DPYD: variants seen among roughly 807,000 people sequenced by gnomAD.
The protein encoded by DPYD is dihydropyrimidine dehydrogenase, also known as dihydropyrimidine dehydrogenase [NADP(+)].
DPYD carries 109 observed loss-of-function variants against 116.2 expected under a neutral mutation model. That is an observed-to-expected ratio of 0.94 (90% CI 0.80 to 1.10). The LOEUF is 1.10. Among genes scored for constraint, DPYD ranks in the 50% least tolerant of loss-of-function variants. DPYD has a pLI of 0.00. For synonymous variants in DPYD, 440 were observed against 432.0 expected, an observed-to-expected ratio of 1.02 and a Z score of -0.23; for missense variants, 1,302 against 1,254.5, an observed-to-expected ratio of 1.04 and a Z score of -0.57.
At chr1:97,115,475 G>T (rs140447839) in intron 20 of DPYD, among the ~76,000 whole-genome samples, 1 of 152,188 alleles carries the variant, frequency 6.6e-6, no homozygotes, top group African/African-American at 2.4e-5. Context: ...AAAGGTGCAT[G>T]TAAAATGCTT....
intron 4 of DPYD, among the ~76,000 whole-genome samples, chr1:97,724,009 T>C (rs1663068535): frequency 1.3e-5 from 2 of 151,576 alleles, no homozygotes; most frequent in Non-Finnish European, 3.0e-5. Flanking sequence ...TATCAAAATA[T>C]ACCATATCAG....
intron 5 of DPYD, chr1:97,720,713 T>A: frequency 7.1e-7 from 1 of 1,413,060 alleles, no homozygotes; most frequent in Non-Finnish European, 9.2e-7. Flanking sequence ...ACTAAAAATC[T>A]AGGTTGACGG....
chr1:97,391,005 C>A (rs376296340), intron 14 of DPYD, among the ~76,000 whole-genome samples: 1 of 151,500 alleles, frequency 6.6e-6, no homozygotes, highest in African/African-American at 2.4e-5. Context: ...GTTTCTTGAA[C>A]CCCTCTTCTA....
intron 6 of DPYD, among the ~76,000 whole-genome samples, chr1:97,693,028 C>T (rs1359013874): frequency 1.3e-5 from 2 of 151,832 alleles, no homozygotes; most frequent in African/African-American, 2.4e-5. Context: ...CGGTGGCTCA[C>T]GCCTGTAATT....
At chr1:97,512,188 G>T (rs1323257326) in intron 13 of DPYD, among the ~76,000 whole-genome samples, 1 of 151,664 alleles carries the variant, frequency 6.6e-6, no homozygotes, top group African/African-American at 2.4e-5. Context: ...TGTGCTATGG[G>T]GTATAAGGTT....
chr1:97,746,969 A>G (rs1459742697), intron 3 of DPYD, among the ~76,000 whole-genome samples: 1 of 151,598 alleles, frequency 6.6e-6, no homozygotes, highest in Non-Finnish European at 1.5e-5. Context: ...AAACGAATGT[A>G]CTGATAATTA....
intron 16 of DPYD, among the ~76,000 whole-genome samples, chr1:97,357,188 C>T (rs1558051853): frequency 6.6e-6 from 1 of 152,038 alleles, no homozygotes; most frequent in Non-Finnish European, 1.5e-5. Context: ...TTTTCAATTG[C>T]TTTCATCATG....
At chr1:97,873,183 T>C (rs779378779) in intron 2 of DPYD, among the ~76,000 whole-genome samples, 7 of 151,966 alleles carry the variant, frequency 4.6e-5, no homozygotes, top group Non-Finnish European at 8.8e-5. Flanking sequence ...TTCCCATGAC[T>C]TATCACAGTG....
At chr1:97,308,833 T>A (rs1667313056) in intron 16 of DPYD, among the ~76,000 whole-genome samples, 1 of 151,820 alleles carries the variant, frequency 6.6e-6, no homozygotes. Flanking sequence ...ATCTTCAGGA[T>A]CTGAAATATA....
intron 14 of DPYD, among the ~76,000 whole-genome samples, chr1:97,391,222 G>C (rs1672686190): frequency 6.6e-6 from 1 of 151,854 alleles, no homozygotes; most frequent in African/African-American, 2.4e-5. Flanking sequence ...AATCTCGAAA[G>C]TGTATACCTC....
At chr1:97,787,120 C>G (rs1393226479) in intron 3 of DPYD, among the ~76,000 whole-genome samples, 1 of 152,072 alleles carries the variant, frequency 6.6e-6, no homozygotes, top group East Asian at 1.9e-4. Context: ...ACAGAAAATA[C>G]TACTACAATT....
chr1:97,756,957 T>C (rs1340403917), intron 3 of DPYD, among the ~76,000 whole-genome samples: 1 of 152,172 alleles, frequency 6.6e-6, no homozygotes, highest in Non-Finnish European at 1.5e-5. Context: ...GTCATCTCCG[T>C]TGAGAAGCTT....
intron 16 of DPYD, among the ~76,000 whole-genome samples, chr1:97,341,647 CA>C (rs746808232): frequency 6.6e-6 from 1 of 152,174 alleles, no homozygotes; most frequent in Non-Finnish European, 1.5e-5. Context: ...TCCTTTATGT[CA>C]AAGCAGATAA....
chr1:97,212,257 C>T (rs1295374058), intron 19 of DPYD, among the ~76,000 whole-genome samples: 1 of 152,042 alleles, frequency 6.6e-6, no homozygotes, highest in Non-Finnish European at 1.5e-5. Context: ...ACTACTGATT[C>T]GTTGTCCTCA....
intron 1 of DPYD, among the ~76,000 whole-genome samples, chr1:97,898,215 C>A (rs778146709): frequency 1.3e-5 from 2 of 151,044 alleles, no homozygotes; most frequent in Non-Finnish European, 3.0e-5. Context: ...GTTCTTTACG[C>A]AGCCATGGGT....
chr1:97,443,652 T>G (rs1337658520), intron 14 of DPYD, among the ~76,000 whole-genome samples: 4 of 152,244 alleles, frequency 2.6e-5, no homozygotes, highest in Non-Finnish European at 5.9e-5. Flanking sequence ...GTGATGTTCA[T>G]GCTCTCGACG....
chr1:97,184,249 T>C (rs1191380935), intron 20 of DPYD, among the ~76,000 whole-genome samples: 1 of 152,128 alleles, frequency 6.6e-6, no homozygotes, highest in Non-Finnish European at 1.5e-5. Flanking sequence ...GTCTTCATGG[T>C]AGAATGATTT....
intron 2 of DPYD, among the ~76,000 whole-genome samples, chr1:97,844,457 T>G (rs1212506174): frequency 6.6e-6 from 1 of 152,116 alleles, no homozygotes; most frequent in African/African-American, 2.4e-5. Context: ...AAGTTTGAGT[T>G]AAAAATGACC....
chr1:97,674,681 C>A (rs982171742), intron 8 of DPYD, among the ~76,000 whole-genome samples: 1 of 151,272 alleles, frequency 6.6e-6, no homozygotes, highest in African/African-American at 2.4e-5. Context: ...AGGAACTATA[C>A]CCATGTCCAG....
Sources: gnomAD v4.1 joint callset for allele counts (sites outside exome capture counted in the v4.1 genomes callset) on GRCh38, gnomAD v4.1.1 for gene constraint, MANE v1.5 for transcripts, NCBI Gene and HGNC (gene_info 2026-07-23, HGNC 2026-07-21) for gene names.